COL25A1: variants seen among roughly 807,000 people sequenced by gnomAD.
COL25A1 encodes the protein collagen alpha-1(XXV) chain.
A neutral mutation model predicts 128.4 loss-of-function variants in COL25A1; 103 were observed. The ratio of observed to expected loss-of-function variants is 0.80; its 90% CI spans 0.68 to 0.94. COL25A1 has a LOEUF of 0.94. COL25A1 is among the 40% of genes least tolerant of loss of function. The pLI is 0.00. For synonymous variants in COL25A1, 279 were observed against 277.2 expected (o/e 1.01, Z -0.06); for missense variants, 745 against 840.0 (o/e 0.89, Z 1.40).
intron 3 of COL25A1, among the ~76,000 whole-genome samples, chr4:109,054,047 G>A (rs993822156): frequency 3.9e-5 from 6 of 152,186 alleles, no homozygotes; most frequent in Non-Finnish European, 5.9e-5. Flanking sequence ...ATTCCTGACT[G>A]AATGGAGGAG....
chr4:108,848,623 G>A, intron 27 of COL25A1, 136 bp downstream of exon 27: 1 of 615,004 alleles, frequency 1.6e-6, no homozygotes, highest in South Asian at 2.3e-5. Flanking sequence ...TAGAGTCAAT[G>A]AAGTCTCTAG....
Position 109,218,357 on chromosome 4 carries a change from G to GTTTTTTTTTTGTTTGTTTTTTTTTTT in COL25A1, c.367+82225_367+82226insAAAAAAAAAAACAAACAAAAAAAAAA, listed in dbSNP as rs1553961829. On this transcript the variant is annotated intron_variant, in intron 3 of 37. Coordinates refer to ENST00000399132, the MANE Select transcript of COL25A1 (RefSeq NM_198721.4). ...CAGAATCAATTGCTGGTTTTTTGGG[G>GTTTTTTTTTTGTTTGTTTTTTTTTTT]TTTTTTTTTTTTTTTTTTTTTTTTT... is the stretch of plus-strand genomic sequence containing the variant. Among the ~76,000 whole-genome samples, 82 of 73,538 alleles carry GTTTTTTTTTTGTTTGTTTTTTTTTTT rather than the reference G, an allele frequency of 1.1e-3. 1 individual carries two copies. Among genetic ancestry groups the GTTTTTTTTTTGTTTGTTTTTTTTTTT allele is most frequent in the African/African-American group, 1.6e-3 (28 of 17,844 alleles). 48.2% of individuals were successfully genotyped at this position (73,538 alleles called of 152,430 possible). A position where few individuals can be genotyped will look rare whatever the true frequency, so the allele number is the denominator to read the frequency against.
intron 3 of COL25A1, among the ~76,000 whole-genome samples, chr4:109,230,520 T>C (rs911685080): frequency 2.0e-5 from 3 of 152,232 alleles, no homozygotes; most frequent in Non-Finnish European, 4.4e-5. Flanking sequence ...TTAAGTCACA[T>C]GTGTTTAGCA....
In COL25A1 at chr4:109,259,902, G is replaced by A. The variant is rs377618686; in HGVS notation, c.367+40681C>T. On this transcript the variant is annotated intron_variant, in intron 3 of 37. Transcript: ENST00000399132. ...GGAAAAGACATAAGCAACGTAGCCA[G>A]AGGTTGCCCTATCATCCATGCATTG... Among the ~76,000 whole-genome samples the A allele has an allele frequency of 1.1e-3, 166 of 152,308 alleles. 2 individuals carry two copies. The highest frequency in any genetic ancestry group is 3.6e-3 in the African/African-American group (151 of 41,572).
At chr4:108,992,869 A>G (rs947711518) in intron 6 of COL25A1, among the ~76,000 whole-genome samples, 2 of 151,904 alleles carry the variant, frequency 1.3e-5, no homozygotes, top group African/African-American at 4.8e-5. Context: ...TTTTTAATTG[A>G]CAGAGAAAAT....
intron 5 of COL25A1, 64 bp downstream of exon 5, chr4:109,048,104 C>T: frequency 6.4e-7 from 1 of 1,561,032 alleles, no homozygotes; most frequent in Non-Finnish European, 8.8e-7. Context: ...GGTGTTTTAA[C>T]AAAGTTTTAA....
At chr4:108,915,073 G>A (rs1393233772) in intron 13 of COL25A1, among the ~76,000 whole-genome samples, 5 of 152,162 alleles carry the variant, frequency 3.3e-5, no homozygotes, top group Non-Finnish European at 7.3e-5. Context: ...GGGATGTTCT[G>A]TAGCCCTTCA....
In COL25A1 at chr4:109,130,002, TAAA is replaced by T. The variant is rs35187548; in HGVS notation, c.368-79826_368-79824del. On this transcript the variant is annotated intron_variant, in intron 3 of 37. Coordinates refer to ENST00000399132, the MANE Select transcript of COL25A1 (RefSeq NM_198721.4). Reference sequence around the variant, plus strand: ...TGTACCCTAAAACTTAAAGTATAATTAAAAAAAAAAAAAAAAGAATAAAAGAAT... The same window carrying T: ...TGTACCCTAAAACTTAAAGTATAATTAAAAAAAAAAAAAGAATAAAAGAAT... Among the ~76,000 whole-genome samples the T allele has an allele frequency of 1.5e-3, 204 of 138,690 alleles. 1 individual carries two copies. Among genetic ancestry groups the T allele is most frequent in the African/African-American group, 3.0e-3 (119 of 39,150 alleles). The allele number at this position is 138,690 out of a possible 152,430, so 91.0% of individuals were successfully genotyped here.
intron 3 of COL25A1, among the ~76,000 whole-genome samples, chr4:109,222,241 T>A (rs1201152657): frequency 6.6e-6 from 1 of 151,854 alleles, no homozygotes; most frequent in African/African-American, 2.4e-5. Context: ...TTTTTGTATT[T>A]TTGGTAGAGC....
chr4:108,976,766 G>C (rs1473412805), intron 6 of COL25A1, among the ~76,000 whole-genome samples: 1 of 152,166 alleles, frequency 6.6e-6, no homozygotes, highest in East Asian at 1.9e-4. Context: ...ACCAGCTACA[G>C]AGTAACTGCA....
chr4:109,254,188 A>T (rs1780883766), intron 3 of COL25A1, among the ~76,000 whole-genome samples: 1 of 151,884 alleles, frequency 6.6e-6, no homozygotes, highest in Non-Finnish European at 1.5e-5. Context: ...ATGTCACCAC[A>T]GCCAGAAAAG....
chr4:109,043,244 T>C (rs768363344), intron 5 of COL25A1, among the ~76,000 whole-genome samples: 1 of 152,064 alleles, frequency 6.6e-6, no homozygotes, highest in Non-Finnish European at 1.5e-5. Flanking sequence ...AAAGACACAA[T>C]TTGACTTAAA....
chr4:109,072,232 T>C lies in COL25A1; in HGVS notation c.368-22053A>G, dbSNP rs542302715. On this transcript the variant is annotated intron_variant, in intron 3 of 37. Transcript: ENST00000399132. The stretch of plus-strand genomic sequence containing the variant: ...ATTGAAATATATAATACTTTGAGTC[T>C]CCATACCTATGTCACCACTGGATAA... Among the ~76,000 whole-genome samples the C allele has an allele frequency of 5.9e-5, 9 of 152,324 alleles. No individual in the cohort carries two copies. The South Asian group carries it at 1.9e-3, about 32-fold the overall frequency.
At chr4:109,269,593 TG>T (rs1266918632) in intron 3 of COL25A1, among the ~76,000 whole-genome samples, 4 of 150,424 alleles carry the variant, frequency 2.7e-5, no homozygotes, top group African/African-American at 9.9e-5. Context: ...CTCCAGCACC[TG>T]TTGTTTCCTG....
At chr4:108,956,922 A>C (rs1750139064) in intron 8 of COL25A1, among the ~76,000 whole-genome samples, 1 of 152,212 alleles carries the variant, frequency 6.6e-6, no homozygotes, top group African/African-American at 2.4e-5. Context: ...GAATAAAAGA[A>C]AGTAACGGTG....
At chr4:108,818,756 A>G (rs546391734) in intron 36 of COL25A1, among the ~76,000 whole-genome samples, 1 of 152,310 alleles carries the variant, frequency 6.6e-6, no homozygotes, top group South Asian at 2.1e-4. Context: ...GGTCTCTTAA[A>G]GCATTCTCTT....
intron 3 of COL25A1, among the ~76,000 whole-genome samples, chr4:109,233,151 G>A (rs1779261735): frequency 1.3e-5 from 2 of 152,002 alleles, no homozygotes; most frequent in African/African-American, 4.8e-5. Context: ...TTTCTTTAAG[G>A]CAGACACAGC....
intron 19 of COL25A1, among the ~76,000 whole-genome samples, chr4:108,877,007 T>A (rs1242021639): frequency 6.6e-6 from 1 of 152,228 alleles, no homozygotes; most frequent in East Asian, 1.9e-4. Flanking sequence ...TTTTGGCAAC[T>A]AACCTGGGGT....
At chr4:109,186,648 T>C (rs1775159637) in intron 3 of COL25A1, among the ~76,000 whole-genome samples, 1 of 152,202 alleles carries the variant, frequency 6.6e-6, no homozygotes, top group Admixed American at 6.5e-5. Context: ...TCCCCTTTCA[T>C]AGCCTGACAA....
Sources: allele counts gnomAD v4.1 joint callset (sites outside exome capture counted in the v4.1 genomes callset), GRCh38; gene constraint gnomAD v4.1.1; transcripts MANE v1.5; gene names NCBI Gene and HGNC (gene_info 2026-07-23, HGNC 2026-07-21).